KDM1B: variants seen among roughly 807,000 people sequenced by gnomAD.
KDM1B encodes lysine demethylase 1B.
KDM1B carries 63 observed loss-of-function variants against 107.4 expected under a neutral mutation model. That is an observed-to-expected ratio of 0.59 (90% CI 0.48 to 0.72). The LOEUF is 0.72. Among genes scored for constraint, KDM1B ranks in the 30% least tolerant of loss-of-function variants. The pLI is 0.00. For missense variants in KDM1B, 749 were observed against 1,020.8 expected (o/e 0.73, Z 3.63); for synonymous variants, 363 against 363.9 (o/e 1.00, Z 0.03).
intron 10 of KDM1B, among the ~76,000 whole-genome samples, chr6:18,194,380 AG>A (rs1440067783): frequency 6.6e-6 from 1 of 152,142 alleles, no homozygotes; most frequent in African/African-American, 2.4e-5. Flanking sequence ...TGTGGTCAGT[AG>A]GATCAGCAGC....
Position 18,213,848 on chromosome 6 carries a change from CTCACCTA to C in KDM1B, c.2109+71_2109+77del. The C allele has an allele frequency of 6.4e-7, 1 of 1,556,180 alleles. No homozygotes were observed. The highest frequency in any genetic ancestry group is 8.9e-7 in the Non-Finnish European group (1 of 1,129,344). On this transcript the variant is annotated intron_variant, in intron 19 of 21. Coordinates refer to ENST00000650836, the MANE Select transcript of KDM1B (RefSeq NM_001364614.2). The surrounding 1 kb of genome is among the most constrained non-coding windows in gnomAD (Gnocchi z 5.9). Reference sequence around the variant, plus strand: ...AGTTTAGAATTTGATGTGATAATTACTCACCTATCAAGCTCAGGAACTAACGAACATC... The same window carrying C: ...AGTTTAGAATTTGATGTGATAATTACTCAAGCTCAGGAACTAACGAACATC...
In KDM1B at chr6:18,197,782, A is replaced by G; in HGVS notation, c.1221+121A>G. 1.6e-6 allele frequency: 1 copy of G among 608,274 alleles called. No individual in the cohort carries two copies. The highest frequency in any genetic ancestry group is 2.9e-6 in the Non-Finnish European group (1 of 350,326). The allele number at this position is 608,274 out of a possible 1,614,324, so 37.7% of individuals were successfully genotyped here. ...AGAATACTAAATACATTATATGTTTATATTAGGTCCTAGAAAAGTTATAAA... is the reference window on the plus strand; with the variant it reads ...AGAATACTAAATACATTATATGTTTGTATTAGGTCCTAGAAAAGTTATAAA... On this transcript the variant is annotated intron_variant, in intron 12 of 21. Coordinates refer to ENST00000650836, the MANE Select transcript of KDM1B (RefSeq NM_001364614.2). This position sits in a 1 kb window ranked among gnomAD's most constrained non-coding sequence, Gnocchi z 4.5.
intron 5 of KDM1B, 39 bp from the exon 6 acceptor site, chr6:18,166,228 G>A (rs1433770791): frequency 8.4e-6 from 8 of 951,496 alleles, no homozygotes; most frequent in Admixed American, 1.7e-5. Context: ...TATAGCAATC[G>A]ATATATTAAT....
At chr6:18,184,982 G>C (rs1404704385) in intron 7 of KDM1B, among the ~76,000 whole-genome samples, 1 of 151,682 alleles carries the variant, frequency 6.6e-6, no homozygotes, top group East Asian at 1.9e-4. Flanking sequence ...CACCTGCCTT[G>C]ACCTCCCAAA....
chr6:18,219,557 CTT>C (rs1482814921), intron 21 of KDM1B, among the ~76,000 whole-genome samples: 1 of 152,134 alleles, frequency 6.6e-6, no homozygotes, highest in African/African-American at 2.4e-5. Context: ...GTAGCATCCT[CTT>C]GTTACAACTT....
intron 10 of KDM1B, among the ~76,000 whole-genome samples, chr6:18,193,910 G>C (rs1037628786): frequency 1.3e-5 from 2 of 150,920 alleles, no homozygotes; most frequent in Non-Finnish European, 2.9e-5. Flanking sequence ...TTTCACTCTT[G>C]TTGCCCAGGC....
rs1172033068 is a variant in KDM1B at position 18,155,992 on chromosome 6, C to G, written c.-14+66C>G. 1 of 152,338 alleles carries G rather than the reference C, an allele frequency of 6.6e-6. No homozygotes were observed. Among genetic ancestry groups the G allele is most frequent in the Non-Finnish European group, 1.5e-5 (1 of 68,150 alleles). 9.4% of individuals were successfully genotyped at this position (152,338 alleles called of 1,614,324 possible). A position where few individuals can be genotyped will look rare whatever the true frequency, so the allele number is the denominator to read the frequency against. On this transcript the variant is annotated intron_variant, in intron 2 of 21. Coordinates refer to ENST00000650836, the MANE Select transcript of KDM1B (RefSeq NM_001364614.2). The surrounding 1 kb of genome is among the most constrained non-coding windows in gnomAD (Gnocchi z 6.2). Reference sequence around the variant, plus strand: ...TCCGAAAGCTTCTCGGAAAGCGAGGCGGCTGCAGCTGGCACCGGGAGTTTG... The same window carrying G: ...TCCGAAAGCTTCTCGGAAAGCGAGGGGGCTGCAGCTGGCACCGGGAGTTTG...
rs920042026 is a variant in KDM1B at position 18,155,920 on chromosome 6, C to G, written c.-20C>G. On this transcript the variant is annotated 5_prime_UTR_variant, in exon 2 of 22. Transcript: ENST00000650836. The surrounding 1 kb of genome is among the most constrained non-coding windows in gnomAD (Gnocchi z 6.2). ...CCCGAGACTCCCGGCACCTCTTCAG[C>G]GCAAAGGTGAGCCCCGGGGCAGTTG... 1 of 152,168 alleles carries G rather than the reference C, an allele frequency of 6.6e-6. No homozygotes were observed. Among genetic ancestry groups the G allele is most frequent in the Non-Finnish European group, 1.5e-5 (1 of 68,054 alleles). The allele number at this position is 152,168 out of a possible 1,614,324, so 9.4% of individuals were successfully genotyped here. A position where few individuals can be genotyped will look rare whatever the true frequency, so the allele number is the denominator to read the frequency against.
rs145044375 is a variant in KDM1B, at chr6:18,189,268, A to G, written c.784+1266A>G. On this transcript the variant is annotated intron_variant, in intron 9 of 21. Coordinates refer to ENST00000650836, the MANE Select transcript of KDM1B (RefSeq NM_001364614.2). ...GTTGTTGTTTACCAATAACACTGGA[A>G]TATAGATGTGGTGGAAATCAAAGCT... 5.9e-5 allele frequency among the ~76,000 whole-genome samples: 9 copies of G among 152,230 alleles called. No individual in the cohort carries two copies. In the East Asian group the frequency reaches 1.7e-3, roughly 29 times the overall value.
At chr6:18,195,733 C>CAAAAAAAAAAAAA (rs774459443) in intron 10 of KDM1B, among the ~76,000 whole-genome samples, 14 of 107,728 alleles carry the variant, frequency 1.3e-4, no homozygotes, top group Non-Finnish European at 1.5e-4. Flanking sequence ...AACTCCATAT[C>CAAAAAAAAAAAAA]AAAAAAAAAA....
chr6:18,207,341 T>C, intron 15 of KDM1B, 57 bp from the exon 16 acceptor site: 1 of 1,593,902 alleles, frequency 6.3e-7, no homozygotes, highest in Non-Finnish European at 8.6e-7. Flanking sequence ...ATATTGGCTC[T>C]CAGGCACAGG....
intron 2 of KDM1B, among the ~76,000 whole-genome samples, chr6:18,158,309 G>A (rs955119163): frequency 7.9e-6 from 1 of 127,210 alleles, no homozygotes; most frequent in African/African-American, 3.1e-5. Context: ...GGGCGATAGA[G>A]TGAGACTCCT....
In KDM1B at chr6:18,201,460, A is replaced by C; in HGVS notation, c.1360-26A>C. 6.6e-7 allele frequency: 1 copy of C among 1,510,302 alleles called. No individual in the cohort carries two copies. The allele number at this position is 1,510,302 out of a possible 1,614,324, so 93.6% of individuals were successfully genotyped here. On this transcript the variant is annotated intron_variant, in intron 13 of 21. Transcript: ENST00000650836. This position sits in a 1 kb window ranked among gnomAD's most constrained non-coding sequence, Gnocchi z 4.3. Reference sequence around the variant, plus strand: ...ATATTTTTTTCCAGGGAAAATTTTCACCTTCTTATTCTTATTATTTTGAAG... The same window carrying C: ...ATATTTTTTTCCAGGGAAAATTTTCCCCTTCTTATTCTTATTATTTTGAAG...
Position 18,199,575 on chromosome 6 carries a change from G to T in KDM1B, c.1222-864G>T, listed in dbSNP as rs982502066. Reference sequence around the variant, plus strand: ...CAGGGCTGCAGGTGACGTGCTGCCTGTGCACCCAAGAGCAGCTTCTCATGC... The same window carrying T: ...CAGGGCTGCAGGTGACGTGCTGCCTTTGCACCCAAGAGCAGCTTCTCATGC... On this transcript the variant is annotated intron_variant, in intron 12 of 21. Transcript: ENST00000650836. Among the ~76,000 whole-genome samples the T allele has an allele frequency of 3.9e-5, 6 of 152,248 alleles. 1 individual carries two copies. In the East Asian group the frequency reaches 1.2e-3, roughly 29 times the overall value.
rs758423524 is a variant in KDM1B at position 18,215,056 on chromosome 6, C to T, written c.2159C>T (p.Ser720Phe). 6.2e-6 allele frequency: 10 copies of T among 1,614,076 alleles called. No homozygotes were observed. The highest frequency in any genetic ancestry group is 1.3e-5 in the African/African-American group (1 of 75,054). The stretch of plus-strand genomic sequence containing the variant: ...GTGATTGCCGGGGAGGCTGTCGCAT[C>T]CGTGAGGACCCTGGATGACAAACAG... ...MSVIAGEAVA[S>F]VRTLDDKQVL... Residue 720 changes from serine (S) to phenylalanine (F), a missense_variant, in exon 20 of 22, where the codon TCC (serine) becomes TTC (phenylalanine). Coordinates refer to ENST00000650836, the MANE Select transcript of KDM1B (RefSeq NM_001364614.2).
Position 18,221,224 on chromosome 6 carries a change from A to C in KDM1B, c.2386-685A>C, listed in dbSNP as rs534280140. 2.5e-4 allele frequency among the ~76,000 whole-genome samples: 38 copies of C among 151,760 alleles called. 1 individual carries two copies. The highest frequency in any genetic ancestry group is 8.5e-4 in the African/African-American group (35 of 41,348). The stretch of plus-strand genomic sequence containing the variant: ...ACTTCACTTCACCTCTCCATTTCTT[A>C]TCCTCCATTTTCTGCTGTCTGTTCA... On this transcript the variant is annotated intron_variant, in intron 21 of 21. Coordinates refer to ENST00000650836, the MANE Select transcript of KDM1B (RefSeq NM_001364614.2).
chr6:18,192,290 C>G (rs1044069493), intron 10 of KDM1B, among the ~76,000 whole-genome samples: 6 of 152,024 alleles, frequency 3.9e-5, no homozygotes, highest in African/African-American at 1.4e-4. Flanking sequence ...TTCTCTTGAC[C>G]CTAGCATTTT....
At chr6:18,170,639 C>T (rs1785594155) in intron 6 of KDM1B, among the ~76,000 whole-genome samples, 1 of 151,850 alleles carries the variant, frequency 6.6e-6, no homozygotes, top group Non-Finnish European at 1.5e-5. Context: ...CACCACCGCA[C>T]CTGTCTGCTT....
At chr6:18,194,460 G>A (rs920062302) in intron 10 of KDM1B, among the ~76,000 whole-genome samples, 3 of 152,158 alleles carry the variant, frequency 2.0e-5, no homozygotes, top group Non-Finnish European at 2.9e-5. Context: ...ACCTGCTGCA[G>A]TCGTTCTTGC....
Sources: gnomAD v4.1 joint callset for allele counts (sites outside exome capture counted in the v4.1 genomes callset) on GRCh38, gnomAD v4.1.1 for gene constraint, Gnocchi (gnomAD v3.1) non-coding constraint, MANE v1.5 for transcripts, NCBI Gene and HGNC (gene_info 2026-07-23, HGNC 2026-07-21) for gene names.